DAB1: variants seen among roughly 807,000 people sequenced by gnomAD.
DAB1 encodes the protein disabled homolog 1.
DAB1 carries 15 observed loss-of-function variants against 64.6 expected under a neutral mutation model. That is an observed-to-expected ratio of 0.23 (90% CI 0.16 to 0.36). DAB1 has a LOEUF of 0.36. Among genes scored for constraint, DAB1 ranks in the 10% least tolerant of loss-of-function variants. The probability of loss-of-function intolerance (pLI) is 1.00; values close to 1 mark genes in which losing one functional copy is unlikely to be tolerated. For missense variants in DAB1, 596 were observed against 706.7 expected, an observed-to-expected ratio of 0.84 and a Z score of 1.78; for synonymous variants, 235 against 251.9, an observed-to-expected ratio of 0.93 and a Z score of 0.64.
intron 7 of DAB1, among the ~76,000 whole-genome samples, chr1:57,581,265 T>C (rs1378407609): frequency 6.6e-6 from 1 of 152,240 alleles, no homozygotes; most frequent in Non-Finnish European, 1.5e-5. Context: ...GACATATTTT[T>C]AGTGTAACAC....
intron 3 of DAB1, among the ~76,000 whole-genome samples, chr1:57,142,236 G>A (rs1165617611): frequency 6.6e-6 from 1 of 152,118 alleles, no homozygotes. Context: ...ACACGCACCA[G>A]CTTCAGAGAG....
chr1:57,420,475 G>C (rs1684812210), intron 1 of DAB1, among the ~76,000 whole-genome samples: 1 of 152,212 alleles, frequency 6.6e-6, no homozygotes, highest in Non-Finnish European at 1.5e-5. Flanking sequence ...TATGTGTAAA[G>C]TGCTTAGAAG....
intron 5 of DAB1, among the ~76,000 whole-genome samples, chr1:57,962,620 C>G (rs1015427484): frequency 1.3e-5 from 2 of 152,082 alleles, no homozygotes; most frequent in African/African-American, 4.8e-5. Context: ...ACCTATAATC[C>G]TGGCACTTTG....
At chr1:57,113,669 C>A (rs189189595) in intron 4 of DAB1, among the ~76,000 whole-genome samples, 3 of 152,210 alleles carry the variant, frequency 2.0e-5, no homozygotes, top group Admixed American at 2.0e-4. Flanking sequence ...ATTTTTTCAA[C>A]CATTAAAAAA....
chr1:57,543,943 CA>C (rs1444926652), intron 7 of DAB1, among the ~76,000 whole-genome samples: 1 of 151,548 alleles, frequency 6.6e-6, no homozygotes, highest in Non-Finnish European at 1.5e-5. Flanking sequence ...CCCATCTCTA[CA>C]AAAAAAATTA....
chr1:58,404,415 C>A (rs1352886730), intron 3 of DAB1, among the ~76,000 whole-genome samples: 4 of 152,180 alleles, frequency 2.6e-5, no homozygotes, highest in Non-Finnish European at 5.9e-5. Flanking sequence ...TGATGTGAGT[C>A]CTGGATTCTA....
intron 4 of DAB1, among the ~76,000 whole-genome samples, chr1:58,304,309 C>T (rs987703303): frequency 5.9e-5 from 9 of 152,140 alleles, no homozygotes; most frequent in Non-Finnish European, 1.0e-4. Context: ...CCTAGATGTA[C>T]TCTGTCTATT....
intron 2 of DAB1, among the ~76,000 whole-genome samples, chr1:58,515,535 G>A (rs1646146163): frequency 6.6e-6 from 1 of 152,008 alleles, no homozygotes; most frequent in Admixed American, 6.5e-5. Flanking sequence ...ATACACACAA[G>A]CCTGTCTCAT....
intron 1 of DAB1, among the ~76,000 whole-genome samples, chr1:57,420,236 C>A (rs1684797287): frequency 4.0e-5 from 6 of 151,144 alleles, no homozygotes; most frequent in Non-Finnish European, 8.9e-5. Flanking sequence ...AATTTTACAC[C>A]CTGGGAGCTA....
At chr1:58,363,455 G>C (rs1409267529) in intron 3 of DAB1, among the ~76,000 whole-genome samples, 1 of 152,156 alleles carries the variant, frequency 6.6e-6, no homozygotes, top group Non-Finnish European at 1.5e-5. Flanking sequence ...CTGTTAATGG[G>C]GAGGGAATAA....
intron 4 of DAB1, among the ~76,000 whole-genome samples, chr1:57,114,691 T>C (rs910208922): frequency 2.6e-5 from 4 of 152,156 alleles, no homozygotes; most frequent in Non-Finnish European, 5.9e-5. Context: ...CACTCAGATA[T>C]TTTACTCTGT....
At chr1:57,124,948 G>A (rs758266955) in intron 4 of DAB1, among the ~76,000 whole-genome samples, 6 of 64,808 alleles carry the variant, frequency 9.3e-5, no homozygotes, top group East Asian at 9.4e-4. Context: ...CCCCAACCCC[G>A]GCCTCATGCC....
chr1:58,119,243 TG>T (rs1652589618), intron 5 of DAB1, among the ~76,000 whole-genome samples: 1 of 151,956 alleles, frequency 6.6e-6, no homozygotes, highest in Non-Finnish European at 1.5e-5. Context: ...TGTGTGTGTG[TG>T]TGTGTGTGTG....
At chr1:58,379,637 C>T (rs79870824) in intron 3 of DAB1, among the ~76,000 whole-genome samples, 86 of 152,358 alleles carry the variant, frequency 5.6e-4, no homozygotes, top group African/African-American at 1.9e-3. Flanking sequence ...ATTGGTGCAA[C>T]CATCCCAGGC....
At chr1:57,930,007 T>C (rs555299169) in intron 5 of DAB1, among the ~76,000 whole-genome samples, 7 of 152,332 alleles carry the variant, frequency 4.6e-5, no homozygotes, top group Admixed American at 4.6e-4. Flanking sequence ...AACCATTACA[T>C]GAAGCTTTAT....
intron 1 of DAB1, among the ~76,000 whole-genome samples, chr1:57,366,589 AAAT>A (rs1680012923): frequency 1.3e-5 from 2 of 152,262 alleles, no homozygotes; most frequent in African/African-American, 4.8e-5. Flanking sequence ...TTTGAAAAGT[AAAT>A]AATAACTTTT....
chr1:58,288,019 C>CAAAAAAAAAAA (rs763850453), intron 4 of DAB1, among the ~76,000 whole-genome samples: 27 of 21,952 alleles, frequency 1.2e-3, no homozygotes, highest in African/African-American at 1.6e-3. Flanking sequence ...AAGACTGCCT[C>CAAAAAAAAAAA]AAAAAAAAAA....
intron 4 of DAB1, among the ~76,000 whole-genome samples, chr1:58,182,654 T>C (rs1260526790): frequency 2.6e-5 from 4 of 152,010 alleles, no homozygotes; most frequent in Admixed American, 2.6e-4. Flanking sequence ...TTTGGTAATT[T>C]ATATCTCTTT....
intron 6 of DAB1, among the ~76,000 whole-genome samples, chr1:57,779,076 A>G (rs1278195263): frequency 2.0e-5 from 3 of 152,194 alleles, no homozygotes; most frequent in Non-Finnish European, 2.9e-5. Flanking sequence ...TAATAAATAA[A>G]GAAGATATTT....
Sources: allele counts gnomAD v4.1 joint callset (sites outside exome capture counted in the v4.1 genomes callset), GRCh38; gene constraint gnomAD v4.1.1; transcripts MANE v1.5; gene names NCBI Gene and HGNC (gene_info 2026-07-23, HGNC 2026-07-21).